CA10: variants seen among roughly 807,000 people sequenced by gnomAD.
CA10 encodes carbonic anhydrase-related protein 10.
Under a neutral mutation model 44.2 loss-of-function variants are expected in CA10, and 14 were observed. That is an observed-to-expected ratio of 0.32 (90% CI 0.21 to 0.50). CA10 has a LOEUF of 0.50. Ranked by LOEUF, CA10 falls within the 20% of genes least tolerant of loss-of-function variation. The pLI is 0.99. For missense variants in CA10, 350 were observed against 409.7 expected, an observed-to-expected ratio of 0.85 and a Z score of 1.26; for synonymous variants, 159 against 141.6, an observed-to-expected ratio of 1.12 and a Z score of -0.87.
At chr17:51,636,167 C>T (rs1289721089) in intron 6 of CA10, among the ~76,000 whole-genome samples, 158 bp from the exon 7 acceptor site, 1 of 152,148 alleles carries the variant, frequency 6.6e-6, no homozygotes, top group Admixed American at 6.6e-5. Flanking sequence ...AAGACTCTAT[C>T]TGTCAGAACA....
At position 52,145,074 on chromosome 17, in the gene CA10, A is replaced by G. The variant is rs569841811; in HGVS notation, c.61+12652T>C. On this transcript the variant is annotated intron_variant, in intron 1 of 8. Coordinates refer to ENST00000451037, the MANE Select transcript of CA10 (RefSeq NM_020178.5). The stretch of plus-strand genomic sequence containing the variant: ...TTCAATACATCTGTAGCAGTCAATG[A>G]CGACCCCTAGACTCTTTCCCAGCGT... Among the ~76,000 whole-genome samples the G allele has an allele frequency of 2.6e-5, 4 of 152,298 alleles. No individual in the cohort carries two copies. In the East Asian group the frequency reaches 7.7e-4, roughly 29 times the overall value.
chr17:51,865,532 C>T (rs984049302), intron 3 of CA10, among the ~76,000 whole-genome samples: 14 of 152,152 alleles, frequency 9.2e-5, no homozygotes, highest in African/African-American at 2.2e-4. Context: ...GCTGCCAGGC[C>T]GCAGGGCAGT....
In CA10 at chr17:51,630,744, G is replaced by C. The variant is rs1475973192; in HGVS notation, c.*840C>G. On this transcript the variant is annotated 3_prime_UTR_variant, in exon 9 of 9. Transcript: ENST00000451037. ...AGCCAGGGCTTAGCCTGTAAGGAAG[G>C]AGAACAGACCAAAGCCAGAAAAATG... The C allele has an allele frequency of 6.6e-6, 1 of 152,576 alleles. No homozygotes were observed. The highest frequency in any genetic ancestry group is 1.5e-5 in the Non-Finnish European group (1 of 68,046). The allele number at this position is 152,576 out of a possible 1,614,324, so 9.5% of individuals were successfully genotyped here.
chr17:52,086,636 C>A lies in CA10; in HGVS notation c.62-14243G>T, dbSNP rs188449938. 2.6e-5 allele frequency among the ~76,000 whole-genome samples: 4 copies of A among 152,296 alleles called. No individual in the cohort carries two copies. In the East Asian group the frequency reaches 7.7e-4, roughly 29 times the overall value. On this transcript the variant is annotated intron_variant, in intron 1 of 8. Coordinates refer to ENST00000451037, the MANE Select transcript of CA10 (RefSeq NM_020178.5). The stretch of plus-strand genomic sequence containing the variant: ...GAGGGAAGTCTTGTAGAATCCCTCA[C>A]ACACAATGACACTGAAGAGAATTTG...
At chr17:51,993,771 C>G (rs1219206544) in intron 2 of CA10, among the ~76,000 whole-genome samples, 1 of 152,014 alleles carries the variant, frequency 6.6e-6, no homozygotes, top group Non-Finnish European at 1.5e-5. Flanking sequence ...GAAGTCTCTC[C>G]CAGTGGAAGA....
At chr17:51,931,155 G>T (rs1213580571) in intron 2 of CA10, 23 bp from the exon 3 acceptor site, 1 of 1,611,754 alleles carries the variant, frequency 6.2e-7, no homozygotes, top group South Asian at 1.1e-5. Context: ...AGAAATTATA[G>T]AATTAGGCTG....
At chr17:51,912,874 C>G (rs1285658326) in intron 3 of CA10, among the ~76,000 whole-genome samples, 3 of 152,116 alleles carry the variant, frequency 2.0e-5, no homozygotes, top group Non-Finnish European at 2.9e-5. Context: ...CCATCTAAAA[C>G]TCAAAGTACA....
At chr17:51,859,575 G>A (rs548188604) in intron 3 of CA10, among the ~76,000 whole-genome samples, 1 of 152,264 alleles carries the variant, frequency 6.6e-6, no homozygotes, top group South Asian at 2.1e-4. Context: ...GGCCACTGAA[G>A]GGCTGTCAAT....
chr17:51,791,080 A>G (rs1047023880), intron 3 of CA10, among the ~76,000 whole-genome samples: 2 of 152,210 alleles, frequency 1.3e-5, no homozygotes, highest in Non-Finnish European at 1.5e-5. Flanking sequence ...GAGAACGAAG[A>G]TACATACCTC....
chr17:51,953,454 T>C (rs1440593338), intron 2 of CA10, among the ~76,000 whole-genome samples: 1 of 143,100 alleles, frequency 7.0e-6, no homozygotes, highest in Non-Finnish European at 1.5e-5. Context: ...TGGATATTTT[T>C]GTTTTTTTTT....
At chr17:51,861,384 A>C (rs1394712056) in intron 3 of CA10, among the ~76,000 whole-genome samples, 1 of 152,154 alleles carries the variant, frequency 6.6e-6, no homozygotes, top group Non-Finnish European at 1.5e-5. Flanking sequence ...TGGAAAAATA[A>C]GGATGAGAGA....
At chr17:52,126,861 C>A (rs1428707381) in intron 1 of CA10, among the ~76,000 whole-genome samples, 1 of 152,126 alleles carries the variant, frequency 6.6e-6, no homozygotes, top group Non-Finnish European at 1.5e-5. Flanking sequence ...TAAAAATAAA[C>A]TAAGCAATGC....
chr17:51,945,475 G>A (rs754619788), intron 2 of CA10, among the ~76,000 whole-genome samples: 1 of 152,046 alleles, frequency 6.6e-6, no homozygotes, highest in African/African-American at 2.4e-5. Context: ...CTCGTTCTGG[G>A]GTAGGGACAG....
At chr17:51,831,734 A>AGCAGCAGCAGCAGCAGCAGCAGCAGCAGC (rs1555604086) in intron 3 of CA10, among the ~76,000 whole-genome samples, 6 of 145,782 alleles carry the variant, frequency 4.1e-5, no homozygotes, top group East Asian at 2.1e-4. Context: ...CAGCAGCAGA[A>AGCAGCAGCAGCAGCAGCAGCAGCAGCAGC]AAAGACCTTC....
At chr17:51,889,920 A>G (rs542099076) in intron 3 of CA10, among the ~76,000 whole-genome samples, 15 of 152,302 alleles carry the variant, frequency 9.8e-5, no homozygotes, top group African/African-American at 3.6e-4. Context: ...TCTGACCTCA[A>G]TCCCTAGACA....
chr17:51,671,781 C>A (rs56337422), intron 4 of CA10, among the ~76,000 whole-genome samples: 3 of 152,286 alleles, frequency 2.0e-5, no homozygotes, highest in Non-Finnish European at 4.4e-5. Context: ...GTTAGTGGAA[C>A]GCCCCTCCTA....
chr17:51,640,507 G>A (rs974336898), intron 6 of CA10, among the ~76,000 whole-genome samples: 8 of 152,168 alleles, frequency 5.3e-5, no homozygotes, highest in African/African-American at 1.2e-4. Context: ...CGCATTTAAC[G>A]TGTAATGTTT....
At chr17:51,692,000 A>G (rs941788040) in intron 4 of CA10, among the ~76,000 whole-genome samples, 1 of 152,200 alleles carries the variant, frequency 6.6e-6, no homozygotes, top group African/African-American at 2.4e-5. Flanking sequence ...GTGATTCCAT[A>G]TGAATTTTAG....
chr17:51,765,719 GTGTGTA>G (rs3032848), intron 3 of CA10, among the ~76,000 whole-genome samples: 1,826 of 141,536 alleles, frequency 0.013, 40 homozygotes, highest in African/African-American at 0.047. Context: ...GTGTGTGTGT[GTGTGTA>G]TGTGTGTGTG....
Sources: gnomAD v4.1 joint callset for allele counts (sites outside exome capture counted in the v4.1 genomes callset) on GRCh38, gnomAD v4.1.1 for gene constraint, MANE v1.5 for transcripts, NCBI Gene and HGNC (gene_info 2026-07-23, HGNC 2026-07-21) for gene names.